SCN8A: variants seen among roughly 807,000 people sequenced by gnomAD.
SCN8A encodes sodium voltage-gated channel alpha subunit 8, also known as sodium channel protein type 8 subunit alpha.
Under a neutral mutation model 184.1 loss-of-function variants are expected in SCN8A, and 30 were observed. That is an observed-to-expected ratio of 0.16 (90% CI 0.12 to 0.22). The LOEUF (loss-of-function observed/expected upper bound fraction) is 0.22. Among genes scored for constraint, SCN8A ranks in the 10% least tolerant of loss-of-function variants. SCN8A has a pLI of 1.00. For synonymous variants in SCN8A, 852 were observed against 907.0 expected (o/e 0.94, Z 1.09); for missense variants, 1,057 against 2,498.9 (o/e 0.42, Z 12.30).
rs201448462 is a variant in SCN8A at position 51,613,270 on chromosome 12, AG to A, written c.-55+21913del. On this transcript the variant is annotated intron_variant, in intron 1 of 26. Coordinates refer to ENST00000627620, the MANE Select transcript of SCN8A (RefSeq NM_001330260.2). ...TCTTTGTGTGAAGGTTTTAAACTAT[AG>A]GTTAGATTTCTCTAATAGATATAGA... Among the ~76,000 whole-genome samples, 552 of 152,322 alleles carry A rather than the reference AG, an allele frequency of 3.6e-3. 4 individuals are homozygous for A. Among genetic ancestry groups the A allele is most frequent in the African/African-American group, 0.012 (518 of 41,568 alleles).
At chr12:51,713,653 G>T in intron 11 of SCN8A, 2 of 566,202 alleles carry the variant, frequency 3.5e-6, no homozygotes, top group South Asian at 2.4e-5. Context: ...ACTCATCTCC[G>T]ACCTATTTCT....
At chr12:51,759,237 G>T (rs1224332754) in intron 14 of SCN8A, among the ~76,000 whole-genome samples, 1 of 151,198 alleles carries the variant, frequency 6.6e-6, no homozygotes, top group Non-Finnish European at 1.5e-5. Context: ...ATATATAAAT[G>T]AAAATATATA....
chr12:51,801,823 G>C (rs757617150), intron 26 of SCN8A, among the ~76,000 whole-genome samples: 12 of 152,182 alleles, frequency 7.9e-5, no homozygotes, highest in Non-Finnish European at 1.3e-4. Context: ...GGGAGGCTGA[G>C]GGGGGCGGAT....
At chr12:51,772,543 T>C (rs1406681999) in intron 19 of SCN8A, among the ~76,000 whole-genome samples, 1 of 152,094 alleles carries the variant, frequency 6.6e-6, no homozygotes, top group African/African-American at 2.4e-5. Context: ...CCTTGGATTA[T>C]AGAAGGGATT....
intron 1 of SCN8A, among the ~76,000 whole-genome samples, chr12:51,596,152 A>G (rs946598613): frequency 3.9e-5 from 6 of 152,140 alleles, no homozygotes; most frequent in Non-Finnish European, 7.4e-5. Flanking sequence ...GTGATTATAC[A>G]TGTTTGGAGT....
chr12:51,615,773 A>G (rs1396688566), intron 1 of SCN8A, among the ~76,000 whole-genome samples: 1 of 151,916 alleles, frequency 6.6e-6, no homozygotes, highest in Non-Finnish European at 1.5e-5. Context: ...GCTGGAGTGC[A>G]GTGGTACAAT....
intron 1 of SCN8A, among the ~76,000 whole-genome samples, chr12:51,637,448 G>A (rs1332159593): frequency 6.6e-6 from 1 of 152,196 alleles, no homozygotes; most frequent in Non-Finnish European, 1.5e-5. Flanking sequence ...AGCAGTTCTT[G>A]AAGGAAATTA....
intron 12 of SCN8A, among the ~76,000 whole-genome samples, chr12:51,724,332 G>A (rs768583800): frequency 4.6e-5 from 7 of 151,876 alleles, no homozygotes; most frequent in Non-Finnish European, 8.8e-5. Flanking sequence ...CTATAATCTC[G>A]GCTACTTGGG....
intron 16 of SCN8A, among the ~76,000 whole-genome samples, chr12:51,768,662 T>G (rs979562152): frequency 1.3e-5 from 2 of 151,992 alleles, no homozygotes; most frequent in African/African-American, 4.8e-5. Context: ...AGAAAAGAGG[T>G]GCTAAACTCC....
At chr12:51,639,236 C>CTT (rs890263053) in intron 1 of SCN8A, among the ~76,000 whole-genome samples, 29 of 152,148 alleles carry the variant, frequency 1.9e-4, no homozygotes, top group African/African-American at 6.3e-4. Context: ...GCCTTGGTCT[C>CTT]CCAAAGTGCT....
chr12:51,755,894 A>G (rs1942666051), intron 14 of SCN8A, among the ~76,000 whole-genome samples: 1 of 152,070 alleles, frequency 6.6e-6, no homozygotes, highest in Non-Finnish European at 1.5e-5. Flanking sequence ...TCAAAAAGCC[A>G]CTGTTACCTT....
At chr12:51,618,285 G>A (rs1299344926) in intron 1 of SCN8A, among the ~76,000 whole-genome samples, 1 of 152,044 alleles carries the variant, frequency 6.6e-6, no homozygotes, top group Middle Eastern at 3.2e-3. Flanking sequence ...GAGAGAGCAG[G>A]AAACACACAC....
chr12:51,711,171 AAT>A (rs1302026585), intron 11 of SCN8A, among the ~76,000 whole-genome samples: 1 of 152,206 alleles, frequency 6.6e-6, no homozygotes, highest in Non-Finnish European at 1.5e-5. Flanking sequence ...CTGAGCTATG[AAT>A]ACCTTAGCGC....
intron 26 of SCN8A, 148 bp downstream of exon 26, chr12:51,794,789 C>T (rs1345324106): frequency 4.2e-6 from 3 of 709,242 alleles, no homozygotes; most frequent in Non-Finnish European, 6.8e-6. Flanking sequence ...CCTGAGTCAT[C>T]TCGGGGGCCT....
At chr12:51,758,265 T>C (rs1487712506) in intron 14 of SCN8A, among the ~76,000 whole-genome samples, 1 of 152,182 alleles carries the variant, frequency 6.6e-6, no homozygotes, top group East Asian at 1.9e-4. Context: ...AAGACTATCC[T>C]GGACAACATA....
intron 9 of SCN8A, 63 bp from the exon 10 acceptor site, chr12:51,705,354 T>C: frequency 1.3e-6 from 2 of 1,509,290 alleles, no homozygotes; most frequent in South Asian, 2.3e-5. Context: ...CTTGGCCCAT[T>C]AGCTGTTTTC....
At chr12:51,742,296 T>C (rs2138821807) in intron 12 of SCN8A, among the ~76,000 whole-genome samples, 1 of 152,320 alleles carries the variant, frequency 6.6e-6, no homozygotes, top group South Asian at 2.1e-4. Context: ...GTTTTGTATC[T>C]TCAGATGATT....
chr12:51,680,026 AG>A (rs1941302334), intron 2 of SCN8A, among the ~76,000 whole-genome samples: 1 of 152,184 alleles, frequency 6.6e-6, no homozygotes, highest in South Asian at 2.1e-4. Context: ...TTTTCAAAAA[AG>A]ATCCATTGTG....
intron 20 of SCN8A, among the ~76,000 whole-genome samples, chr12:51,779,233 A>AAG (rs1191390432): frequency 6.6e-6 from 1 of 151,708 alleles, no homozygotes; most frequent in Non-Finnish European, 1.5e-5. Context: ...AAAAAAAAAA[A>AAG]AAAATAGAAA....
Sources: allele counts gnomAD v4.1 joint callset (sites outside exome capture counted in the v4.1 genomes callset), GRCh38; gene constraint gnomAD v4.1.1; transcripts MANE v1.5; gene names NCBI Gene and HGNC (gene_info 2026-07-23, HGNC 2026-07-21).